The following RAI14 variants were observed in gnomAD, a reference collection of about 807,000 sequenced individuals.
The protein encoded by RAI14 is ankycorbin.
In RAI14, 45 loss-of-function variants were observed where a neutral mutation model predicts 115.4. The ratio of observed to expected loss-of-function variants is 0.39; its 90% CI spans 0.31 to 0.50. The LOEUF is 0.50. Among genes scored for constraint, RAI14 ranks in the 20% least tolerant of loss-of-function variants. The pLI, the probability that RAI14 is intolerant of heterozygous loss-of-function variation, is 0.85. For synonymous variants in RAI14, 371 were observed against 415.4 expected, an observed-to-expected ratio of 0.89 and a Z score of 1.30; for missense variants, 939 against 1,131.2, an observed-to-expected ratio of 0.83 and a Z score of 2.44.
intron 1 of RAI14, among the ~76,000 whole-genome samples, chr5:34,671,321 G>C (rs1232307590): frequency 1.3e-5 from 2 of 152,176 alleles, no homozygotes; most frequent in Non-Finnish European, 2.9e-5. Flanking sequence ...ATCAGCCTTT[G>C]AGTGAAATAA....
At chr5:34,660,201 G>A (rs1000756143) in intron 1 of RAI14, among the ~76,000 whole-genome samples, 7 of 152,114 alleles carry the variant, frequency 4.6e-5, no homozygotes, top group African/African-American at 1.7e-4. Flanking sequence ...GGGAGGCCGA[G>A]GCAGGTGGAT....
Position 34,725,196 on chromosome 5 carries a change from A to T in RAI14, c.37-32272A>T, listed in dbSNP as rs151082514. ...CTAAAAGGGATTGGAATTTTTCTTTAGGAACAAAATTGATGGGTAGTCTGC... is the reference window on the plus strand; with the variant it reads ...CTAAAAGGGATTGGAATTTTTCTTTTGGAACAAAATTGATGGGTAGTCTGC... On this transcript the variant is annotated intron_variant, in intron 2 of 17. Coordinates refer to ENST00000265109, the MANE Select transcript of RAI14 (RefSeq NM_015577.3). Among the ~76,000 whole-genome samples, 915 of 152,294 alleles carry T rather than the reference A, an allele frequency of 6.0e-3. 8 individuals are homozygous for T. Among genetic ancestry groups the T allele is most frequent in the African/African-American group, 0.021 (878 of 41,566 alleles).
chr5:34,757,521 A>C lies in RAI14; in HGVS notation c.90A>C (p.Gly30=). The stretch of plus-strand genomic sequence containing the variant: ...GGCTACTGCAGGCCGTGGAGAATGG[A>C]GATGCGGAGAAGGTGGCCTCACTGC... ...DDRLLQAVEN[G]DAEKVASLLG... The change falls in exon 3 of 18, where the codon GGA becomes GGC. Residue 30 remains glycine, a synonymous_variant. Coordinates refer to ENST00000265109, the MANE Select transcript of RAI14 (RefSeq NM_015577.3). The C allele has an allele frequency of 6.2e-7, 1 of 1,613,906 alleles. No individual in the cohort carries two copies. The highest frequency in any genetic ancestry group is 8.5e-7 in the Non-Finnish European group (1 of 1,179,970).
chr5:34,754,738 C>G (rs1038206987), intron 2 of RAI14, among the ~76,000 whole-genome samples: 4 of 152,170 alleles, frequency 2.6e-5, no homozygotes, highest in Non-Finnish European at 5.9e-5. Context: ...AGGAATGTTG[C>G]ATTGACCTTG....
At chr5:34,762,974 TGTA>T (rs1748879537) in intron 3 of RAI14, among the ~76,000 whole-genome samples, 6 of 130,674 alleles carry the variant, frequency 4.6e-5, no homozygotes, top group African/African-American at 1.9e-4. Flanking sequence ...TGTGTGTGTG[TGTA>T]TGTGTCTGTA....
intron 3 of RAI14, among the ~76,000 whole-genome samples, chr5:34,785,823 C>T (rs1023711330): frequency 6.6e-6 from 1 of 152,230 alleles, no homozygotes; most frequent in African/African-American, 2.4e-5. Flanking sequence ...GTACTATATG[C>T]TCTCCTGGCT....
At chr5:34,768,295 A>C (rs912664154) in intron 3 of RAI14, among the ~76,000 whole-genome samples, 1 of 152,158 alleles carries the variant, frequency 6.6e-6, no homozygotes, top group African/African-American at 2.4e-5. Flanking sequence ...TAACATAATT[A>C]ATAAGAAACA....
intron 1 of RAI14, among the ~76,000 whole-genome samples, chr5:34,671,001 A>AT (rs1038633551): frequency 3.9e-5 from 6 of 152,188 alleles, no homozygotes; most frequent in African/African-American, 1.4e-4. Context: ...CAGGGTAATA[A>AT]TTTTTTGTTT....
intron 1 of RAI14, among the ~76,000 whole-genome samples, chr5:34,672,902 G>C (rs1286240064): frequency 6.6e-6 from 1 of 151,862 alleles, no homozygotes; most frequent in Non-Finnish European, 1.5e-5. Context: ...TATCCTGAAG[G>C]TTTTGTTTTT....
intron 3 of RAI14, among the ~76,000 whole-genome samples, chr5:34,770,011 GAGCCACTGCGCTC>G (rs1156751002): frequency 3.3e-4 from 51 of 152,324 alleles, no homozygotes; most frequent in Non-Finnish European, 5.6e-4. Context: ...TTACAGGGAT[GAGCCACTGCGCTC>G]AGCTCCAGTT....
At chr5:34,759,639 G>A (rs1410987184) in intron 3 of RAI14, among the ~76,000 whole-genome samples, 1 of 151,840 alleles carries the variant, frequency 6.6e-6, no homozygotes, top group Admixed American at 6.6e-5. Flanking sequence ...ACAAGCTCAG[G>A]GCTCCCACAG....
intron 1 of RAI14, among the ~76,000 whole-genome samples, chr5:34,680,492 C>G (rs747961954): frequency 5.9e-5 from 9 of 152,178 alleles, no homozygotes; most frequent in Admixed American, 4.6e-4. Context: ...CCTCATGACC[C>G]AATCATTCTT....
At chr5:34,668,688 T>TG (rs34204364) in intron 1 of RAI14, among the ~76,000 whole-genome samples, 24,474 of 151,686 alleles carry the variant, frequency 0.16, 2,293 homozygotes, top group South Asian at 0.47. Flanking sequence ...TTTTTTAAAT[T>TG]GGGAAAAAAA....
chr5:34,735,072 T>C (rs1339735445), intron 2 of RAI14, among the ~76,000 whole-genome samples: 1 of 152,226 alleles, frequency 6.6e-6, no homozygotes. Context: ...TTTAATATCG[T>C]TTAGCTTTAA....
At chr5:34,785,488 C>T (rs924148868) in intron 3 of RAI14, among the ~76,000 whole-genome samples, 1 of 152,032 alleles carries the variant, frequency 6.6e-6, no homozygotes, top group Non-Finnish European at 1.5e-5. Flanking sequence ...TGAATAGTCC[C>T]AGGTTGTCCA....
chr5:34,716,134 G>T, intron 2 of RAI14: 1 of 424,160 alleles, frequency 2.4e-6, no homozygotes, highest in Admixed American at 3.1e-5. Context: ...CAAAAGACAA[G>T]GCAAATAGGC....
intron 3 of RAI14, among the ~76,000 whole-genome samples, chr5:34,775,238 A>G (rs769485659): frequency 6.6e-6 from 1 of 152,186 alleles, no homozygotes; most frequent in Non-Finnish European, 1.5e-5. Flanking sequence ...ACAAGCACAA[A>G]CAACCAAAAC....
rs923559921 is a variant in RAI14, at chr5:34,699,995, G to C, written c.36+13040G>C. Reference sequence around the variant, plus strand: ...AGCTTCTGGTGCTAGAGATAAGGAGGGTGGGGAGAGGGGCGGAGAATATGG... The same window carrying C: ...AGCTTCTGGTGCTAGAGATAAGGAGCGTGGGGAGAGGGGCGGAGAATATGG... On this transcript the variant is annotated intron_variant, in intron 2 of 17. Coordinates refer to ENST00000265109, the MANE Select transcript of RAI14 (RefSeq NM_015577.3). Among the ~76,000 whole-genome samples, 43 of 152,180 alleles carry C rather than the reference G, an allele frequency of 2.8e-4. 1 individual carries two copies. The highest frequency in any genetic ancestry group is 9.2e-4 in the African/African-American group (38 of 41,446).
chr5:34,770,886 T>A (rs1247363547), intron 3 of RAI14, among the ~76,000 whole-genome samples: 1 of 152,186 alleles, frequency 6.6e-6, no homozygotes, highest in Non-Finnish European at 1.5e-5. Context: ...TTTTTTTCTC[T>A]CCAGAAAGAC....
Sources: allele counts gnomAD v4.1 joint callset (sites outside exome capture counted in the v4.1 genomes callset), GRCh38; gene constraint gnomAD v4.1.1; transcripts MANE v1.5; gene names NCBI Gene and HGNC (gene_info 2026-07-23, HGNC 2026-07-21).